The following NRXN3 variants were observed in gnomAD, a reference collection of about 807,000 sequenced individuals.
NRXN3 encodes neurexin III.
A neutral mutation model predicts 137.6 loss-of-function variants in NRXN3; 32 were observed. The ratio of observed to expected loss-of-function variants is 0.23; its 90% confidence interval spans 0.18 to 0.31. NRXN3 has a LOEUF of 0.31. NRXN3 is among the 10% of genes least tolerant of loss of function. NRXN3 has a pLI of 1.00. For missense variants in NRXN3, 1,574 were observed against 2,062.5 expected (o/e 0.76, Z 4.59); for synonymous variants, 798 against 784.5 (o/e 1.02, Z -0.29).
intron 19 of NRXN3, among the ~76,000 whole-genome samples, chr14:79,783,089 G>A (rs1176362037): frequency 2.0e-5 from 3 of 152,176 alleles, no homozygotes; most frequent in Non-Finnish European, 2.9e-5. Flanking sequence ...TCAGAAAAAT[G>A]ACTGCTGTGA....
chr14:79,557,797 A>G (rs1023815280), intron 16 of NRXN3, among the ~76,000 whole-genome samples: 65 of 152,234 alleles, frequency 4.3e-4, no homozygotes, highest in African/African-American at 1.5e-3. Context: ...AAATAAGACA[A>G]TAATAAAGTT....
chr14:78,208,884 G>A (rs1002235724), intron 1 of NRXN3, among the ~76,000 whole-genome samples: 1 of 152,130 alleles, frequency 6.6e-6, no homozygotes, highest in African/African-American at 2.4e-5. Flanking sequence ...TGTAGTTCGC[G>A]TATGTGTCCC....
intron 15 of NRXN3, among the ~76,000 whole-genome samples, chr14:79,007,135 T>TA (rs1329506081): frequency 2.6e-5 from 4 of 152,230 alleles, no homozygotes; most frequent in Admixed American, 6.5e-5. Context: ...TGTGTAAACT[T>TA]ACAGAATTTG....
chr14:79,011,926 C>A (rs1254357077), intron 15 of NRXN3, among the ~76,000 whole-genome samples: 1 of 152,132 alleles, frequency 6.6e-6, no homozygotes, highest in African/African-American at 2.4e-5. Flanking sequence ...TAACATTATT[C>A]CAAATTCAAT....
chr14:78,190,299 G>A (rs2060594586), intron 1 of NRXN3, among the ~76,000 whole-genome samples: 1 of 152,188 alleles, frequency 6.6e-6, no homozygotes, highest in Admixed American at 6.5e-5. Flanking sequence ...AGGAATACCT[G>A]TGCCATGTGC....
intron 15 of NRXN3, among the ~76,000 whole-genome samples, chr14:79,352,276 C>T (rs2093247242): frequency 6.6e-6 from 1 of 151,998 alleles, no homozygotes; most frequent in African/African-American, 2.4e-5. Context: ...GATGTTTGGC[C>T]TCACACTGAC....
chr14:79,417,812 A>C (rs1290948719), intron 15 of NRXN3, among the ~76,000 whole-genome samples: 1 of 152,132 alleles, frequency 6.6e-6, no homozygotes, highest in African/African-American at 2.4e-5. Flanking sequence ...ATGCTCAAAA[A>C]CACATACTTC....
chr14:78,348,225 C>T (rs886750801), intron 4 of NRXN3, among the ~76,000 whole-genome samples: 2 of 152,168 alleles, frequency 1.3e-5, no homozygotes, highest in Non-Finnish European at 2.9e-5. Flanking sequence ...GCTCAGCCTA[C>T]ACCTATGCAT....
At chr14:78,380,384 G>T (rs1327133794) in intron 4 of NRXN3, among the ~76,000 whole-genome samples, 3 of 149,540 alleles carry the variant, frequency 2.0e-5, no homozygotes, top group Non-Finnish European at 3.0e-5. Context: ...CTTGGAAAAA[G>T]AGTCTTTGCA....
At chr14:78,852,203 A>G (rs1214937034) in intron 10 of NRXN3, among the ~76,000 whole-genome samples, 1 of 152,134 alleles carries the variant, frequency 6.6e-6, no homozygotes, top group Non-Finnish European at 1.5e-5. Flanking sequence ...CTGCATCCAG[A>G]TTTACAGCTC....
chr14:79,645,624 A>T (rs1222180995), intron 16 of NRXN3, among the ~76,000 whole-genome samples: 1 of 134,124 alleles, frequency 7.5e-6, no homozygotes, highest in Non-Finnish European at 1.7e-5. Context: ...CAAAAAAAAA[A>T]AAAAAAGTTT....
In NRXN3 at chr14:79,861,683, A is replaced by G. The variant is rs1484236524; in HGVS notation, c.4435A>G (p.Ile1479Val). 1 of 1,614,164 alleles carries G rather than the reference A, an allele frequency of 6.2e-7. No homozygotes were observed. Among genetic ancestry groups the G allele is most frequent in the South Asian group, 1.1e-5 (1 of 91,092 alleles). Residue 1479 changes from isoleucine to valine, a missense_variant, in exon 21 of 21, where the codon ATC becomes GTC. Transcript: ENST00000335750. The surrounding 1 kb of genome is among the most constrained non-coding windows in gnomAD (Gnocchi z 5.4). Reference sequence around the variant, plus strand: ...CACAGCAAACCCCACGGAGCCGGGAATCAGACGGGTTCCGGGGGCCTCAGA... The same window carrying G: ...CACAGCAAACCCCACGGAGCCGGGAGTCAGACGGGTTCCGGGGGCCTCAGA... ...VPTANPTEPG[I>V]RRVPGASEVI...
chr14:79,285,848 G>A (rs74067989), intron 15 of NRXN3, among the ~76,000 whole-genome samples: 1,781 of 151,386 alleles, frequency 0.012, 46 homozygotes, highest in African/African-American at 0.041. Flanking sequence ...TCTCCTCACC[G>A]TGCGCTGCCC....
At chr14:79,054,877 G>A (rs1034021766) in intron 15 of NRXN3, among the ~76,000 whole-genome samples, 5 of 152,186 alleles carry the variant, frequency 3.3e-5, no homozygotes, top group African/African-American at 1.2e-4. Context: ...TGGAATAGAA[G>A]AGAAAATATA....
chr14:78,641,821 G>T (rs1278188051), intron 4 of NRXN3, among the ~76,000 whole-genome samples: 4 of 152,334 alleles, frequency 2.6e-5, no homozygotes, highest in South Asian at 4.1e-4. Flanking sequence ...GTTGCATGGA[G>T]ATTAGCATAA....
At chr14:78,854,913 G>A (rs924333797) in intron 10 of NRXN3, among the ~76,000 whole-genome samples, 9 of 152,062 alleles carry the variant, frequency 5.9e-5, no homozygotes, top group East Asian at 3.9e-4. Context: ...TAAATTAAGC[G>A]TATATAAAAA....
intron 14 of NRXN3, among the ~76,000 whole-genome samples, chr14:78,969,814 AGTGTGTGTGTGTGTGTGTGT>A (rs376306137): frequency 1.4e-5 from 2 of 141,410 alleles, no homozygotes; most frequent in Admixed American, 7.0e-5. Context: ...TGTACTATGT[AGTGTGTGTGTGTGTGTGTGT>A]GTGTGTGTGT....
intron 4 of NRXN3, among the ~76,000 whole-genome samples, chr14:78,485,437 A>G (rs995659244): frequency 5.3e-5 from 8 of 152,204 alleles, no homozygotes; most frequent in Admixed American, 3.9e-4. Flanking sequence ...GATGACTACA[A>G]TAAACACACA....
intron 15 of NRXN3, among the ~76,000 whole-genome samples, chr14:79,435,537 G>A (rs1366337599): frequency 6.7e-6 from 1 of 149,922 alleles, no homozygotes; most frequent in African/African-American, 2.5e-5. Context: ...ATTGAACCTG[G>A]CAATGAATAC....
Sources: gnomAD v4.1 joint callset for allele counts (sites outside exome capture counted in the v4.1 genomes callset) on GRCh38, gnomAD v4.1.1 for gene constraint, Gnocchi (gnomAD v3.1) non-coding constraint, MANE v1.5 for transcripts, NCBI Gene and HGNC (gene_info 2026-07-23, HGNC 2026-07-21) for gene names.